MRTFB: variants seen among roughly 807,000 people sequenced by gnomAD.
MRTFB encodes the protein myocardin related transcription factor B.
MRTFB carries 29 observed loss-of-function variants against 104.2 expected under a neutral mutation model. That is an observed-to-expected ratio of 0.28 (90% CI 0.21 to 0.38). The LOEUF (loss-of-function observed/expected upper bound fraction) is 0.38. Among genes scored for constraint, MRTFB ranks in the 10% least tolerant of loss-of-function variants. The pLI, the probability that MRTFB is intolerant of heterozygous loss-of-function variation, is 1.00. For missense variants in MRTFB, 1,270 were observed against 1,341.6 expected (o/e 0.95, Z 0.83); for synonymous variants, 535 against 519.5 (o/e 1.03, Z -0.41).
upstream of MRTFB, chr16:14,071,246 C>G (rs1043911638): frequency 1.3e-5 from 2 of 153,100 alleles, no homozygotes; most frequent in African/African-American, 4.8e-5. Flanking sequence ...GGGAGCGCGC[C>G]GAGCCGCTTC....
At chr16:14,162,224 T>A (rs189842623) in intron 3 of MRTFB, among the ~76,000 whole-genome samples, 2 of 152,102 alleles carry the variant, frequency 1.3e-5, no homozygotes, top group East Asian at 3.9e-4. Flanking sequence ...GTCCCAGCTG[T>A]TCAGGAGGCT....
intron 8 of MRTFB, among the ~76,000 whole-genome samples, chr16:14,222,645 G>A (rs1168567572): frequency 1.3e-5 from 2 of 151,162 alleles, no homozygotes; most frequent in Non-Finnish European, 2.9e-5. Flanking sequence ...CCAGCACTTT[G>A]AGATGCCAAA....
At position 14,246,575 on chromosome 16, in the gene MRTFB, A is replaced by C. The variant is rs1488645783; in HGVS notation, c.1315A>C (p.Ser439Arg). 6.2e-7 allele frequency: 1 copy of C among 1,614,216 alleles called. No homozygotes were observed. Among genetic ancestry groups the C allele is most frequent in the Non-Finnish European group, 8.5e-7 (1 of 1,180,032 alleles). Reference protein sequence around the residue: ...RLKPYQEVNSSGLAAGGIVAV... With the variant: ...RLKPYQEVNSRGLAAGGIVAV... ...AAAACCCTACCAGGAAGTGAACAGCAGCGGCCTTGCTGCTGGGGGCATCGT... is the reference window on the plus strand; with the variant it reads ...AAAACCCTACCAGGAAGTGAACAGCCGCGGCCTTGCTGCTGGGGGCATCGT... Residue 439 changes from serine to arginine, a missense_variant, in exon 12 of 17, where the codon AGC becomes CGC. Physicochemically the swap from Ser to Arg is moderately radical, Grantham distance 110 (BLOSUM62 -1). This residue lies in a region of MRTFB where 1,144 missense variants were observed against 1,131.5 expected (regional missense o/e 1.01). Transcript: ENST00000571589.
chr16:14,186,453 A>G (rs550521325), intron 3 of MRTFB, among the ~76,000 whole-genome samples: 3 of 152,348 alleles, frequency 2.0e-5, no homozygotes, highest in African/African-American at 4.8e-5. Context: ...AGCGGGAGAG[A>G]GACCACAGGC....
chr16:14,100,854 TA>T (rs2035656348), intron 2 of MRTFB, among the ~76,000 whole-genome samples: 1 of 152,198 alleles, frequency 6.6e-6, no homozygotes, highest in African/African-American at 2.4e-5. Flanking sequence ...TTTATTGGCT[TA>T]AAGTTTTTCA....
Position 14,076,408 on chromosome 16 carries a change from T to C in MRTFB, c.-128-2882T>C, listed in dbSNP as rs532093586. ...TGGCGTTTCTCCATGTTAGCCAGGC[T>C]GGTCTCAAACTCCTGACCTCAGGTT... On this transcript the variant is annotated intron_variant, in intron 1 of 16. Transcript: ENST00000571589. Among the ~76,000 whole-genome samples, 10 of 152,294 alleles carry C rather than the reference T, an allele frequency of 6.6e-5. No individual in the cohort carries two copies. In the South Asian group the frequency reaches 2.1e-3, roughly 32 times the overall value.
At chr16:14,165,765 T>C (rs1185935583) in intron 3 of MRTFB, among the ~76,000 whole-genome samples, 1 of 152,222 alleles carries the variant, frequency 6.6e-6, no homozygotes, top group Non-Finnish European at 1.5e-5. Context: ...AGTTTGTCGT[T>C]CTGAGCCATA....
chr16:14,059,911 C>T, the MRTFB span, among the ~76,000 whole-genome samples: 1 of 151,772 alleles, frequency 6.6e-6, no homozygotes, highest in East Asian at 1.9e-4. Flanking sequence ...TCCAATTTAG[C>T]CATGTGCTCG....
chr16:14,240,105 T>C (rs2042697677), intron 9 of MRTFB, 132 bp from the exon 10 acceptor site: 2 of 1,118,722 alleles, frequency 1.8e-6, no homozygotes, highest in Middle Eastern at 3.0e-4. Context: ...ATTTAGCATA[T>C]TGCTTTCCAA....
intron 9 of MRTFB, among the ~76,000 whole-genome samples, chr16:14,239,222 A>G (rs1659132): frequency 0.082 from 12,545 of 152,328 alleles, 758 homozygotes; most frequent in East Asian, 0.3. Context: ...CATATATGGT[A>G]TCATCCCAAT....
chr16:14,179,648 T>TA (rs761741728), intron 3 of MRTFB, among the ~76,000 whole-genome samples: 43 of 152,306 alleles, frequency 2.8e-4, no homozygotes, highest in East Asian at 9.6e-4. Flanking sequence ...AATGGCAGAA[T>TA]ATCAAGACAT....
At chr16:14,216,894 A>G (rs2041452522) in intron 6 of MRTFB, among the ~76,000 whole-genome samples, 1 of 152,234 alleles carries the variant, frequency 6.6e-6, no homozygotes, top group Non-Finnish European at 1.5e-5. Context: ...GGTCCTGTTA[A>G]TTTGAGTCTG....
the MRTFB span, among the ~76,000 whole-genome samples, chr16:14,003,647 TCCCTCCCTCCC>T: frequency 1.8e-4 from 5 of 28,130 alleles, no homozygotes; most frequent in African/African-American, 8.9e-4. Context: ...CCTGCCTCCC[TCCCTCCCTCCC>T]TCCCTCCCTC....
intron 3 of MRTFB, among the ~76,000 whole-genome samples, chr16:14,189,878 T>C (rs1324612260): frequency 6.6e-6 from 1 of 152,170 alleles, no homozygotes; most frequent in Non-Finnish European, 1.5e-5. Context: ...AATCTTGTAA[T>C]TGTTGACAGT....
At chr16:13,996,455 C>G in the MRTFB span, among the ~76,000 whole-genome samples, 1 of 152,164 alleles carries the variant, frequency 6.6e-6, no homozygotes, top group Non-Finnish European at 1.5e-5. Context: ...GAGGTGATAC[C>G]TGACAGAGAA....
chr16:14,034,417 C>A, the MRTFB span, among the ~76,000 whole-genome samples: 2 of 152,146 alleles, frequency 1.3e-5, no homozygotes, highest in African/African-American at 4.8e-5. Flanking sequence ...AGTTCAAGAC[C>A]AGTGTGGCCA....
intron 2 of MRTFB, among the ~76,000 whole-genome samples, chr16:14,136,368 C>G (rs1227281274): frequency 6.6e-6 from 1 of 152,124 alleles, no homozygotes; most frequent in East Asian, 1.9e-4. Flanking sequence ...TAATAATTGC[C>G]TTTGACCTCT....
Position 14,212,426 on chromosome 16 carries a change from T to C in MRTFB, c.276+17T>C, listed in dbSNP as rs755975009. The C allele has an allele frequency of 1.9e-5, 31 of 1,611,660 alleles. No individual in the cohort carries two copies. Among genetic ancestry groups the C allele is most frequent in the Non-Finnish European group, 2.3e-5 (27 of 1,178,018 alleles). ...CGAGCCAGAGTAAGACATTTCACTT[T>C]AAAATGTTCTACTTCTCTCTCCTTC... On this transcript the variant is annotated intron_variant, in intron 5 of 16. Coordinates refer to ENST00000571589, the MANE Select transcript of MRTFB (RefSeq NM_001308142.2).
At chr16:14,132,972 T>C (rs2037513510) in intron 2 of MRTFB, among the ~76,000 whole-genome samples, 1 of 152,216 alleles carries the variant, frequency 6.6e-6, no homozygotes, top group Admixed American at 6.5e-5. Flanking sequence ...TGACAAAATA[T>C]GAATGCAAAA....
Sources: allele counts gnomAD v4.1 joint callset (sites outside exome capture counted in the v4.1 genomes callset), GRCh38; gene constraint gnomAD v4.1.1; regional missense constraint gnomAD v4.1.1; transcripts MANE v1.5; gene names NCBI Gene and HGNC (gene_info 2026-07-23, HGNC 2026-07-21).